CPNE8: variants seen among roughly 807,000 people sequenced by gnomAD.
CPNE8 encodes copine-8.
Under a neutral mutation model 81.5 loss-of-function variants are expected in CPNE8, and 45 were observed. The ratio of observed to expected loss-of-function variants is 0.55; its 90% CI spans 0.44 to 0.71. The LOEUF (loss-of-function observed/expected upper bound fraction) is 0.71. Among genes scored for constraint, CPNE8 ranks in the 30% least tolerant of loss-of-function variants. The probability of loss-of-function intolerance (pLI) is 0.00; values close to 1 mark genes in which losing one functional copy is unlikely to be tolerated. For missense variants in CPNE8, 594 were observed against 672.1 expected (o/e 0.88, Z 1.28); for synonymous variants, 252 against 226.3 (o/e 1.11, Z -1.02).
intron 3 of CPNE8, among the ~76,000 whole-genome samples, chr12:38,858,101 A>T (rs145754983): frequency 1.4e-3 from 214 of 152,348 alleles, no homozygotes; most frequent in Admixed American, 4.8e-3. Flanking sequence ...AGCCATCTTT[A>T]TATAATGTAA....
chr12:38,894,453 C>T (rs1255353421), intron 1 of CPNE8, among the ~76,000 whole-genome samples: 2 of 152,058 alleles, frequency 1.3e-5, no homozygotes, highest in African/African-American at 2.4e-5. Context: ...TTGGATGAAA[C>T]CACTGGCATA....
chr12:38,687,781 C>T (rs1025706899), intron 15 of CPNE8, among the ~76,000 whole-genome samples: 4 of 152,140 alleles, frequency 2.6e-5, no homozygotes, highest in African/African-American at 9.7e-5. Context: ...GATTTATATC[C>T]ACTTTTTTTC....
At chr12:38,667,116 T>C (rs1276311464) in intron 19 of CPNE8, among the ~76,000 whole-genome samples, 1 of 152,184 alleles carries the variant, frequency 6.6e-6, no homozygotes, top group Admixed American at 6.5e-5. Flanking sequence ...ACCTTAGGGT[T>C]TTCTTTGTCC....
intron 7 of CPNE8, among the ~76,000 whole-genome samples, chr12:38,772,400 A>C (rs1941821820): frequency 6.6e-6 from 1 of 152,208 alleles, no homozygotes; most frequent in Non-Finnish European, 1.5e-5. Flanking sequence ...AAATACTGCA[A>C]AAACTAAAAA....
intron 6 of CPNE8, among the ~76,000 whole-genome samples, chr12:38,783,283 C>A (rs938030025): frequency 6.6e-6 from 1 of 152,164 alleles, no homozygotes; most frequent in Non-Finnish European, 1.5e-5. Flanking sequence ...TATCTATACA[C>A]ACACACAAAG....
intron 16 of CPNE8, among the ~76,000 whole-genome samples, chr12:38,678,581 G>T (rs1458889472): frequency 6.6e-6 from 1 of 151,860 alleles, no homozygotes; most frequent in Non-Finnish European, 1.5e-5. Context: ...GGAGCCCAAT[G>T]AATCCCATTT....
intron 13 of CPNE8, 21 bp downstream of exon 13, chr12:38,723,751 C>T (rs1940625761): frequency 1.3e-6 from 2 of 1,505,014 alleles, no homozygotes; most frequent in African/African-American, 1.4e-5. Context: ...AGCAACGAAA[C>T]AATTTGAGAG....
Position 38,693,806 on chromosome 12 carries a change from T to G in CPNE8, c.994A>C (p.Met332Leu). The G allele has an allele frequency of 6.2e-7, 1 of 1,612,676 alleles. No homozygotes were observed. The highest frequency in any genetic ancestry group is 8.5e-7 in the Non-Finnish European group (1 of 1,179,360). Residue 332 changes from methionine to leucine, a missense_variant, in exon 15 of 20, where the codon ATG (methionine) becomes CTG (leucine). Met to Leu is a conservative substitution (Grantham distance 15). Coordinates refer to ENST00000331366, the MANE Select transcript of CPNE8 (RefSeq NM_153634.3). ...TAGGCATTCAGTTGGTAAGGATTCA[T>G]GTAGTGGAGGGAAGTGGGCTGAGCA... is the stretch of plus-strand genomic sequence containing the variant. The part of the protein sequence containing the change: ...NPAQPTSLHY[M>L]NPYQLNAYGM...
At chr12:38,706,178 A>T (rs1218545419) in intron 13 of CPNE8, among the ~76,000 whole-genome samples, 4 of 152,120 alleles carry the variant, frequency 2.6e-5, no homozygotes, top group Non-Finnish European at 5.9e-5. Context: ...TAGGCACACA[A>T]TAAAGGATAT....
At chr12:38,881,544 A>C (rs904074995) in intron 1 of CPNE8, among the ~76,000 whole-genome samples, 8 of 152,220 alleles carry the variant, frequency 5.3e-5, no homozygotes, top group Non-Finnish European at 1.2e-4. Flanking sequence ...CAAAGTACTT[A>C]TTACTACTGT....
At chr12:38,712,763 G>C (rs1940291423) in intron 13 of CPNE8, among the ~76,000 whole-genome samples, 1 of 152,124 alleles carries the variant, frequency 6.6e-6, no homozygotes, top group Non-Finnish European at 1.5e-5. Flanking sequence ...TTGGGTTGGA[G>C]CGAACAGGAC....
At chr12:38,902,366 A>AAAGAAAG (rs760826861) in intron 1 of CPNE8, among the ~76,000 whole-genome samples, 9 of 86,670 alleles carry the variant, frequency 1.0e-4, no homozygotes, top group Non-Finnish European at 8.7e-5. Context: ...GAAAGAAAGA[A>AAAGAAAG]AGAAAGAAAG....
intron 3 of CPNE8, among the ~76,000 whole-genome samples, chr12:38,855,671 TATA>T (rs764666126): frequency 4.2e-4 from 64 of 152,248 alleles, no homozygotes; most frequent in Non-Finnish European, 5.0e-4. Flanking sequence ...AAAAAGTGAC[TATA>T]ATAATAATGC....
At chr12:38,858,014 C>T (rs1943772457) in intron 3 of CPNE8, among the ~76,000 whole-genome samples, 1 of 152,218 alleles carries the variant, frequency 6.6e-6, no homozygotes, top group Non-Finnish European at 1.5e-5. Context: ...TACATTCTCT[C>T]TCTGAAATGT....
At chr12:38,785,385 C>T (rs545092219) in intron 6 of CPNE8, among the ~76,000 whole-genome samples, 2 of 151,812 alleles carry the variant, frequency 1.3e-5, no homozygotes, top group East Asian at 1.9e-4. Flanking sequence ...TATGGTTTGG[C>T]TGTGTCCCCA....
chr12:38,730,428 A>T, intron 10 of CPNE8, 70 bp from the exon 11 acceptor site: 1 of 834,286 alleles, frequency 1.2e-6, no homozygotes, highest in Admixed American at 2.1e-5. Flanking sequence ...TAAAGTTTTT[A>T]GAAAGGTTTA....
At chr12:38,805,774 TAGAG>T (rs1942785228) in intron 6 of CPNE8, among the ~76,000 whole-genome samples, 2 of 131,100 alleles carry the variant, frequency 1.5e-5, no homozygotes, top group South Asian at 2.6e-4. Context: ...CTGAAGGAAA[TAGAG>T]ACACAAAAAA....
At chr12:38,870,849 TA>T (rs962053558) in intron 3 of CPNE8, among the ~76,000 whole-genome samples, 10 of 151,026 alleles carry the variant, frequency 6.6e-5, no homozygotes, top group African/African-American at 2.4e-4. Flanking sequence ...ATTTAAAAGT[TA>T]AAAAAAAGAA....
intron 10 of CPNE8, among the ~76,000 whole-genome samples, chr12:38,746,595 CTGT>C (rs912050793): frequency 2.6e-5 from 4 of 152,112 alleles, no homozygotes; most frequent in African/African-American, 9.7e-5. Context: ...CATTAGAAGA[CTGT>C]TTTTTGCTAA....
Sources: allele counts gnomAD v4.1 joint callset (sites outside exome capture counted in the v4.1 genomes callset), GRCh38; gene constraint gnomAD v4.1.1; transcripts MANE v1.5; gene names NCBI Gene and HGNC (gene_info 2026-07-23, HGNC 2026-07-21).